The following EXOC6 variants were observed in gnomAD, a reference collection of about 807,000 sequenced individuals.
EXOC6 encodes the protein SEC15-like 1.
In EXOC6, 60 loss-of-function variants were observed where a neutral mutation model predicts 112.5. The observed-to-expected ratio is 0.53, with a 90% CI of 0.43 to 0.66. EXOC6 has a LOEUF of 0.66. Ranked by LOEUF, EXOC6 falls within the 30% of genes least tolerant of loss-of-function variation. The probability of loss-of-function intolerance (pLI) is 0.00; values close to 1 mark genes in which losing one functional copy is unlikely to be tolerated. For missense variants in EXOC6, 855 were observed against 957.1 expected (o/e 0.89, Z 1.41); for synonymous variants, 295 against 308.0 (o/e 0.96, Z 0.44).
At chr10:92,974,889 G>A (rs1029300284) in intron 18 of EXOC6, among the ~76,000 whole-genome samples, 21 of 152,354 alleles carry the variant, frequency 1.4e-4, no homozygotes, top group African/African-American at 4.6e-4. Context: ...CCAGGCTGGA[G>A]TGCAGTGGCG....
chr10:92,860,505 C>T (rs1847863210), intron 1 of EXOC6, among the ~76,000 whole-genome samples: 1 of 152,142 alleles, frequency 6.6e-6, no homozygotes, highest in Non-Finnish European at 1.5e-5. Flanking sequence ...TCGTGATCCA[C>T]CCGCCTCGGC....
chr10:92,990,621 T>C (rs956030332), intron 18 of EXOC6, among the ~76,000 whole-genome samples: 2 of 152,070 alleles, frequency 1.3e-5, no homozygotes, highest in African/African-American at 4.8e-5. Context: ...TTTTTCTGTG[T>C]TTTTTTTCTA....
intron 13 of EXOC6, among the ~76,000 whole-genome samples, chr10:92,948,046 A>G (rs991317359): frequency 6.7e-6 from 1 of 149,344 alleles, no homozygotes; most frequent in Non-Finnish European, 1.5e-5. Context: ...GAGAGGTTGT[A>G]AAACAAGCTA....
At chr10:92,927,631 A>G (rs938432168) in intron 8 of EXOC6, among the ~76,000 whole-genome samples, 5 of 152,254 alleles carry the variant, frequency 3.3e-5, no homozygotes, top group African/African-American at 1.2e-4. Context: ...CAGACATAGT[A>G]AACGTTCATC....
chr10:92,988,211 T>C (rs1247004758), intron 18 of EXOC6, among the ~76,000 whole-genome samples: 1 of 152,208 alleles, frequency 6.6e-6, no homozygotes, highest in African/African-American at 2.4e-5. Context: ...ATTGGTCTTC[T>C]GAATTGCCTT....
chr10:93,046,597 T>C (rs1846008958), intron 20 of EXOC6, among the ~76,000 whole-genome samples: 1 of 146,436 alleles, frequency 6.8e-6, no homozygotes, highest in Admixed American at 6.9e-5. Context: ...AGTCATGGTT[T>C]CCTTTTTTTT....
Position 93,058,478 on chromosome 10 carries a change from A to C in EXOC6, c.*123A>C. ...AAAAATACAATAGAGAAGATACATG[A>C]GGGCTTAAACAAGAAATAGTAATAA... On this transcript the variant is annotated 3_prime_UTR_variant, in exon 22 of 22. Coordinates refer to ENST00000260762, the MANE Select transcript of EXOC6 (RefSeq NM_019053.6). 1.5e-6 allele frequency: 1 copy of C among 668,376 alleles called. No individual in the cohort carries two copies. The highest frequency in any genetic ancestry group is 2.3e-6 in the Non-Finnish European group (1 of 439,760). 41.4% of individuals were successfully genotyped at this position (668,376 alleles called of 1,614,324 possible).
At chr10:92,993,374 G>C (rs1843349134) in intron 18 of EXOC6, among the ~76,000 whole-genome samples, 1 of 152,100 alleles carries the variant, frequency 6.6e-6, no homozygotes, top group African/African-American at 2.4e-5. Flanking sequence ...GAAAGAATGT[G>C]ATTTCAAGAG....
In EXOC6 at chr10:92,948,300, GC is replaced by G. The variant is rs1853160411; in HGVS notation, c.1341del (p.Ile448SerfsTer66). ...FRDIFEEDNYSPIPVVNEEEY... is the reference protein window; with the variant it reads ...FRDIFEEDNYXPIPVVNEEEY... ...GACATTTTTGAAGAAGATAATTACAGCCCCATCCCTGTTGTCAATGAAGAAG... is the reference window on the plus strand; with the variant it reads ...GACATTTTTGAAGAAGATAATTACAGCCCATCCCTGTTGTCAATGAAGAAG... On this transcript the variant is annotated frameshift_variant, in exon 14 of 22. Coordinates refer to ENST00000260762, the MANE Select transcript of EXOC6 (RefSeq NM_019053.6). LOFTEE classifies it high-confidence loss of function. The G allele has an allele frequency of 1.2e-6, 2 of 1,607,870 alleles. No individual in the cohort carries two copies. The highest frequency in any genetic ancestry group is 2.7e-5 in the African/African-American group (2 of 74,560).
intron 1 of EXOC6, among the ~76,000 whole-genome samples, chr10:92,872,125 C>T (rs1011375962): frequency 1.3e-5 from 2 of 151,764 alleles, no homozygotes; most frequent in African/African-American, 2.4e-5. Context: ...CATTTATTGA[C>T]GTTATTATTT....
At chr10:92,914,438 A>G (rs1850969744) in intron 6 of EXOC6, among the ~76,000 whole-genome samples, 1 of 152,226 alleles carries the variant, frequency 6.6e-6, no homozygotes, top group Non-Finnish European at 1.5e-5. Context: ...TACAATATGT[A>G]ATATTTATAT....
intron 17 of EXOC6, among the ~76,000 whole-genome samples, chr10:92,962,148 T>G (rs7069010): frequency 0.38 from 58,285 of 151,762 alleles, 11,548 homozygotes; most frequent in Middle Eastern, 0.5. Context: ...GGTGGCTCTA[T>G]GAGAGATTTA....
At chr10:93,051,773 A>C (rs762402671) in intron 20 of EXOC6, among the ~76,000 whole-genome samples, 1 of 152,176 alleles carries the variant, frequency 6.6e-6, no homozygotes, top group Non-Finnish European at 1.5e-5. Context: ...AAGGACAAGT[A>C]TTTCTTCCTT....
At chr10:92,897,660 A>G (rs1849898802) in intron 4 of EXOC6, among the ~76,000 whole-genome samples, 1 of 152,204 alleles carries the variant, frequency 6.6e-6, no homozygotes, top group Admixed American at 6.5e-5. Flanking sequence ...CTCACCTGAG[A>G]CAAATCCATA....
intron 20 of EXOC6, among the ~76,000 whole-genome samples, chr10:93,031,574 G>A (rs1477104875): frequency 1.4e-5 from 2 of 143,992 alleles, no homozygotes; most frequent in African/African-American, 5.2e-5. Flanking sequence ...GTGCAGTGGC[G>A]CAATCTCAGC....
chr10:92,846,270 G>GA (rs1847050571), upstream of EXOC6, among the ~76,000 whole-genome samples: 1 of 152,256 alleles, frequency 6.6e-6, no homozygotes, highest in Admixed American at 6.5e-5. Context: ...GACTGGTGAA[G>GA]AAAAGGGGTA....
At chr10:92,934,789 A>G (rs1211046067) in intron 11 of EXOC6, among the ~76,000 whole-genome samples, 1 of 152,166 alleles carries the variant, frequency 6.6e-6, no homozygotes. Context: ...AAAACTCAGT[A>G]GAACTTGTTC....
intron 18 of EXOC6, among the ~76,000 whole-genome samples, chr10:92,983,059 C>T (rs1167999789): frequency 1.3e-5 from 2 of 152,168 alleles, no homozygotes; most frequent in Non-Finnish European, 2.9e-5. Context: ...TCTGAGAATT[C>T]AGCACTATCT....
chr10:93,014,265 C>T lies in EXOC6; in HGVS notation c.2167C>T (p.Gln723Ter), dbSNP rs773150080. ...TLQLAFIDLRQLLDLFMVWDW... is the reference protein window; with the variant it reads ...TLQLAFIDLR ...GCAGCTAGCATTCATTGACCTCAGA[C>T]AAGTAAGATATAATAATGTACTTCC... Residue 723 changes from glutamine to a stop codon, truncating the protein, a stop_gained and splice_region_variant, in exon 20 of 22, where the codon CAA (glutamine) becomes TAA (stop). Transcript: ENST00000260762. LOFTEE classifies it high-confidence loss of function. 6.2e-6 allele frequency: 10 copies of T among 1,610,952 alleles called. No individual in the cohort carries two copies. The highest frequency in any genetic ancestry group is 8.5e-6 in the Non-Finnish European group (10 of 1,177,470).
Sources: allele counts gnomAD v4.1 joint callset (sites outside exome capture counted in the v4.1 genomes callset), GRCh38; gene constraint gnomAD v4.1.1; transcripts MANE v1.5; gene names NCBI Gene and HGNC (gene_info 2026-07-23, HGNC 2026-07-21).